Variants in TPM3 observed in about 807,000 individuals in gnomAD.
TPM3 encodes tropomyosin 3.
TPM3 carries 16 observed loss-of-function variants against 43.1 expected under a neutral mutation model. The observed-to-expected ratio is 0.37, with a 90% CI of 0.25 to 0.56. The LOEUF (loss-of-function observed/expected upper bound fraction) is 0.56, where lower values mean the gene tolerates loss of function less well. Ranked by LOEUF, TPM3 falls within the 20% of genes least tolerant of loss-of-function variation. TPM3 has a pLI of 0.77. For synonymous variants in TPM3, 101 were observed against 116.9 expected, an observed-to-expected ratio of 0.86 and a Z score of 0.88; for missense variants, 176 against 337.2, an observed-to-expected ratio of 0.52 and a Z score of 3.74.
intron 5 of TPM3, 42 bp downstream of exon 5, chr1:154,172,866 G>C: frequency 6.2e-7 from 1 of 1,609,620 alleles, no homozygotes; most frequent in Non-Finnish European, 8.5e-7. Flanking sequence ...AAGGGGAAGG[G>C]ATAAATTGGT....
chr1:154,171,511 A>C (rs1023187437), intron 5 of TPM3, 23 bp from the exon 6 acceptor site: 3 of 1,612,570 alleles, frequency 1.9e-6, no homozygotes, highest in Non-Finnish European at 2.5e-6. Flanking sequence ...TAAATACCAC[A>C]GGAGAGGAAA....
intron 2 of TPM3, chr1:154,178,139 G>C (rs564724505): frequency 1.5e-5 from 15 of 985,402 alleles, no homozygotes; most frequent in Non-Finnish European, 1.7e-5. Flanking sequence ...AATACAACTA[G>C]ATTTAGAGGA....
At chr1:154,170,320 G>A in intron 8 of TPM3, 80 bp downstream of exon 8, 1 of 1,492,198 alleles carries the variant, frequency 6.7e-7, no homozygotes, top group Non-Finnish European at 9.3e-7. Context: ...TTCCTTTGGT[G>A]TACAGAAAAA....
At chr1:154,158,432 A>G (rs571664342), downstream of TPM3, among the ~76,000 whole-genome samples, 1 of 152,358 alleles carries the variant, frequency 6.6e-6, no homozygotes, top group East Asian at 1.9e-4. Context: ...CTGTCTAGCA[A>G]GCAAACCACT....
intron 2 of TPM3, among the ~76,000 whole-genome samples, chr1:154,189,381 G>A (rs192641737): frequency 1.1e-3 from 172 of 151,554 alleles, no homozygotes; most frequent in African/African-American, 3.6e-3. Context: ...CCAGCTACTC[G>A]GAAGGCTGAG....
At chr1:154,169,570 C>G in intron 8 of TPM3, 187 bp from the exon 9 acceptor site, 1 of 630,412 alleles carries the variant, frequency 1.6e-6, no homozygotes, top group South Asian at 1.9e-5. Flanking sequence ...CTATGACCAA[C>G]TTCCTTTCTT....
rs1660957874 is a variant in TPM3 at position 154,166,366 on chromosome 1, A to G, written c.*1571T>C. 3 of 268,332 alleles carry G rather than the reference A, an allele frequency of 1.1e-5. No homozygotes were observed. The highest frequency in any genetic ancestry group is 2.0e-5 in the Non-Finnish European group (3 of 152,342). The allele number at this position is 268,332 out of a possible 1,614,324, so 16.6% of individuals were successfully genotyped here. A position where few individuals can be genotyped will look rare whatever the true frequency, so the allele number is the denominator to read the frequency against. ...CTCCATTTCCGACCTGGGCCAGTTC[A>G]CCCCTTCTTAGGCAACCTTGTTGTT... On this transcript the variant is annotated 3_prime_UTR_variant, in exon 10 of 10. Transcript: ENST00000651641.
At position 154,166,792 on chromosome 1, in the gene TPM3, C is replaced by G; in HGVS notation, c.*1145G>C. ...CGCCTCCCAGGTGCAAGCGATTCTC[C>G]TGCCTCAGCCTCCCGAGTAGCTGGG... On this transcript the variant is annotated 3_prime_UTR_variant, in exon 10 of 10. Coordinates refer to ENST00000651641, the MANE Select transcript of TPM3 (RefSeq NM_152263.4). 3.0e-6 allele frequency: 2 copies of G among 655,892 alleles called. No homozygotes were observed. Among genetic ancestry groups the G allele is most frequent in the Non-Finnish European group, 3.8e-6 (2 of 529,318 alleles). 40.6% of individuals were successfully genotyped at this position (655,892 alleles called of 1,614,324 possible). A position where few individuals can be genotyped will look rare whatever the true frequency, so the allele number is the denominator to read the frequency against.
intron 5 of TPM3, chr1:154,171,998 A>G: frequency 6.2e-7 from 1 of 1,612,360 alleles, no homozygotes; most frequent in Non-Finnish European, 8.5e-7. Context: ...CACCACATAT[A>G]TAACCTTGCT....
At position 154,163,835 on chromosome 1, in the gene TPM3, G is replaced by A. The variant is rs768264879; in HGVS notation, c.*4102C>T. Among the ~76,000 whole-genome samples, 8 of 152,092 alleles carry A rather than the reference G, an allele frequency of 5.3e-5. No individual in the cohort carries two copies. Among genetic ancestry groups the A allele is most frequent in the Middle Eastern group, 3.4e-3 (1 of 294 alleles). On this transcript the variant is annotated 3_prime_UTR_variant, in exon 10 of 10. Coordinates refer to ENST00000651641, the MANE Select transcript of TPM3 (RefSeq NM_152263.4). ...TTTTTAGTAGAGACGGGGTTTCAAC[G>A]TGTCAGCCAGGATGGTCTTGATCTC...
intron 1 of TPM3, 188 bp downstream of exon 1, chr1:154,191,714 C>T (rs1024226430): frequency 3.3e-6 from 5 of 1,529,432 alleles, no homozygotes; most frequent in African/African-American, 2.7e-5. Context: ...CACTGACTTT[C>T]CCAAGGTCAC....
chr1:154,158,790 T>G, downstream of TPM3: 2 of 621,572 alleles, frequency 3.2e-6, no homozygotes, highest in Non-Finnish European at 3.0e-6. Flanking sequence ...GACAGAAACT[T>G]CACAATGGTC....
chr1:154,168,803 G>A (rs1355691372), intron 9 of TPM3, among the ~76,000 whole-genome samples: 1 of 151,858 alleles, frequency 6.6e-6, no homozygotes, highest in Admixed American at 6.6e-5. Flanking sequence ...TGGGATCACA[G>A]GTGTGAGCCA....
intron 2 of TPM3, chr1:154,183,128 C>A: frequency 1.3e-6 from 2 of 1,598,158 alleles, no homozygotes; most frequent in East Asian, 2.2e-5. Flanking sequence ...ATGGTGCCCA[C>A]CCAGCTACTG....
In TPM3 at chr1:154,191,328, A is replaced by T. The variant is rs2148294720; in HGVS notation, c.118-17T>A. 1 of 1,613,732 alleles carries T rather than the reference A, an allele frequency of 6.2e-7. No individual in the cohort carries two copies. Among genetic ancestry groups the T allele is most frequent in the East Asian group, 2.2e-5 (1 of 44,884 alleles). ...ATCCTCCAGCTATAGGAGCCCAGAG[A>T]GTCACACACAAAAACACACAAACAC... On this transcript the variant is annotated splice_polypyrimidine_tract_variant and intron_variant, in intron 1 of 9. Transcript: ENST00000651641.
rs1163477783 is a variant in TPM3 at position 154,164,877 on chromosome 1, T to A, written c.*3060A>T. Among the ~76,000 whole-genome samples, 1 of 152,220 alleles carries A rather than the reference T, an allele frequency of 6.6e-6. No individual in the cohort carries two copies. The highest frequency in any genetic ancestry group is 2.4e-5 in the African/African-American group (1 of 41,454). On this transcript the variant is annotated 3_prime_UTR_variant, in exon 10 of 10. Transcript: ENST00000651641. ...ATCACTTTGCTAATCTGCAAATTAG[T>A]TACCAAATTAATTCTTCTTATATGT...
rs370211975 is a variant in TPM3, at chr1:154,184,200, A to AT, written c.243+6985dup. Among the ~76,000 whole-genome samples the AT allele has an allele frequency of 6.7e-3, 997 of 148,810 alleles. 10 individuals are homozygous for AT. Among genetic ancestry groups the AT allele is most frequent in the Middle Eastern group, 0.024 (7 of 292 alleles). On this transcript the variant is annotated intron_variant, in intron 2 of 9. Transcript: ENST00000651641. ...TAGCGCCCTCCACCACGCCCGGCTAATTTTTTTTTTGTAGTTTTAGTAGAG... is the reference window on the plus strand; with the variant it reads ...TAGCGCCCTCCACCACGCCCGGCTAATTTTTTTTTTTGTAGTTTTAGTAGAG...
chr1:154,158,523 T>A, downstream of TPM3: 3 of 348,364 alleles, frequency 8.6e-6, no homozygotes, highest in Non-Finnish European at 1.6e-5. Context: ...CATATTCATA[T>A]CCCACAACTT....
At chr1:154,174,105 G>C (rs549349472) in intron 3 of TPM3, among the ~76,000 whole-genome samples, 44 of 151,630 alleles carry the variant, frequency 2.9e-4, no homozygotes, top group African/African-American at 9.9e-4. Context: ...GGCCGAAGCC[G>C]GCAGATCACC....
Sources: allele counts gnomAD v4.1 joint callset (sites outside exome capture counted in the v4.1 genomes callset), GRCh38; gene constraint gnomAD v4.1.1; transcripts MANE v1.5; gene names NCBI Gene and HGNC (gene_info 2026-07-23, HGNC 2026-07-21).